Variants in CRHR2 observed in about 807,000 individuals in gnomAD.
CRHR2 encodes the protein corticotropin releasing hormone receptor 2.
A neutral mutation model predicts 57.9 loss-of-function variants in CRHR2; 53 were observed. The observed-to-expected ratio is 0.92, with a 90% confidence interval of 0.73 to 1.15. CRHR2 has a LOEUF of 1.15. Ranked by LOEUF, CRHR2 falls within the 50% of genes most tolerant of loss-of-function variation. CRHR2 has a pLI of 0.00. For synonymous variants in CRHR2, 213 were observed against 220.9 expected (o/e 0.96, Z 0.32); for missense variants, 532 against 542.6 (o/e 0.98, Z 0.19).
chr7:30,655,035 A>T lies in CRHR2; in HGVS notation c.1095+4T>A. On this transcript the variant is annotated splice_donor_region_variant and intron_variant, in intron 11 of 11. Coordinates refer to ENST00000471646, the MANE Select transcript of CRHR2 (RefSeq NM_001883.5). Reference sequence around the variant, plus strand: ...CAGGCCACCCCGAGGGCCCAGCTTCATACCTCTCCATTGAAGAAGCAGTAG... The same window carrying T: ...CAGGCCACCCCGAGGGCCCAGCTTCTTACCTCTCCATTGAAGAAGCAGTAG... The T allele has an allele frequency of 6.2e-7, 1 of 1,613,036 alleles. No homozygotes were observed. Among genetic ancestry groups the T allele is most frequent in the Non-Finnish European group, 8.5e-7 (1 of 1,179,432 alleles).
chr7:30,665,169 C>A lies in CRHR2; in HGVS notation c.444G>T (p.Arg148=). The A allele has an allele frequency of 6.2e-7, 1 of 1,614,090 alleles. No individual in the cohort carries two copies. Among genetic ancestry groups the A allele is most frequent in the Non-Finnish European group, 8.5e-7 (1 of 1,180,014 alleles). The change falls in exon 5 of 12, where the codon CGG becomes CGT. Residue 148 remains arginine (R), a synonymous_variant. Coordinates refer to ENST00000471646, the MANE Select transcript of CRHR2 (RefSeq NM_001883.5). This position sits in a 1 kb window ranked among gnomAD's most constrained non-coding sequence, Gnocchi z 4.5. ...TGATGAGGTTCCAGTGAATCACATTCCGCAGACAGCGAATGCTCCTGTGGG... is the reference window on the plus strand; with the variant it reads ...TGATGAGGTTCCAGTGAATCACATTACGCAGACAGCGAATGCTCCTGTGGG... ...FLALRSIRCL[R]NVIHWNLITT... is the part of the protein sequence containing the mutation.
chr7:30,692,586 C>T (rs1208639240), intron 1 of CRHR2, among the ~76,000 whole-genome samples: 1 of 152,144 alleles, frequency 6.6e-6, no homozygotes, highest in Non-Finnish European at 1.5e-5. Flanking sequence ...AAAGCAAACC[C>T]TCAGAGGCAG....
intron 5 of CRHR2, among the ~76,000 whole-genome samples, 198 bp from the exon 6 acceptor site, chr7:30,663,045 C>T (rs1338367625): frequency 6.6e-6 from 1 of 152,220 alleles, no homozygotes; most frequent in African/African-American, 2.4e-5. Flanking sequence ...GTTAAGGTGC[C>T]ATTCTCCACT....
intron 2 of CRHR2, chr7:30,688,957 A>C: frequency 1.6e-6 from 1 of 620,738 alleles, no homozygotes; most frequent in Non-Finnish European, 3.0e-6. Context: ...GGAGCTGGGA[A>C]TGGGGAGTGG....
intron 2 of CRHR2, among the ~76,000 whole-genome samples, chr7:30,679,350 G>A (rs1460081822): frequency 6.6e-6 from 1 of 152,240 alleles, no homozygotes; most frequent in Non-Finnish European, 1.5e-5. Flanking sequence ...CTGGTGCATA[G>A]GAGCTGATTA....
chr7:30,665,636 T>C lies in CRHR2; in HGVS notation c.319A>G (p.Arg107Gly). The C allele has an allele frequency of 1.3e-6, 2 of 1,555,828 alleles. No individual in the cohort carries two copies. The highest frequency in any genetic ancestry group is 1.7e-6 in the Non-Finnish European group (2 of 1,149,026). ...QCEPILDDKQ[R>G]KYDLHYRIAL... ...ATGCGGTAGTGCAGGTCATACTTCC[T>C]CTGCTGGACAGACAGACATGGGCAG... Residue 107 changes from arginine to glycine, a missense_variant, in exon 4 of 12, where the codon AGG (arginine) becomes GGG (glycine). Transcript: ENST00000471646. This position sits in a 1 kb window ranked among gnomAD's most constrained non-coding sequence, Gnocchi z 4.5.
At chr7:30,668,268 C>T (rs1017834702) in intron 2 of CRHR2, among the ~76,000 whole-genome samples, 5 of 152,164 alleles carry the variant, frequency 3.3e-5, no homozygotes, top group African/African-American at 9.7e-5. Flanking sequence ...CCACCCCCTC[C>T]ATACACCAGC....
rs1411619717 is a variant in CRHR2 at position 30,699,891 on chromosome 7, G to T, written c.-261+53C>A. ...CCCCGCCCCTAGTCATGAGAGCTGG[G>T]AGCTCCGTGCTCCTGGCGCCCCACC... On this transcript the variant is annotated intron_variant, in intron 1 of 13. Coordinates refer to the CRHR2 transcript ENST00000341843. 11 of 1,403,144 alleles carry T rather than the reference G, an allele frequency of 7.8e-6. No individual in the cohort carries two copies. In the South Asian group the frequency reaches 1.4e-4, roughly 18 times the overall value. 86.9% of individuals were successfully genotyped at this position (1,403,144 alleles called of 1,614,324 possible).
intron 6 of CRHR2, 74 bp downstream of exon 6, chr7:30,662,620 A>C: frequency 6.4e-7 from 1 of 1,555,430 alleles, no homozygotes; most frequent in Non-Finnish European, 8.7e-7. Context: ...TGGTCCTTGG[A>C]CCCAAGACGA....
In CRHR2 at chr7:30,699,087, A is replaced by T. The variant is rs1253407504; in HGVS notation, c.-261+857T>A. Reference sequence around the variant, plus strand: ...GACAGCGACAAGCCTCTTAGCTTCCACAGGCACTACTTTCCAGATTGTGAG... The same window carrying T: ...GACAGCGACAAGCCTCTTAGCTTCCTCAGGCACTACTTTCCAGATTGTGAG... On this transcript the variant is annotated intron_variant, in intron 1 of 13. Transcript: ENST00000341843. Among the ~76,000 whole-genome samples, 7 of 152,308 alleles carry T rather than the reference A, an allele frequency of 4.6e-5. 1 individual carries two copies. The highest frequency in any genetic ancestry group is 1.7e-4 in the African/African-American group (7 of 41,570).
chr7:30,697,126 C>T (rs1785074238), intron 1 of CRHR2, among the ~76,000 whole-genome samples: 1 of 152,198 alleles, frequency 6.6e-6, no homozygotes, highest in African/African-American at 2.4e-5. Context: ...TTAGGGGACA[C>T]TGTGGACTCG....
At chr7:30,662,966 C>T (rs1156891222) in intron 5 of CRHR2, 119 bp from the exon 6 acceptor site, 29 of 1,168,998 alleles carry the variant, frequency 2.5e-5, no homozygotes, top group Non-Finnish European at 3.3e-5. Flanking sequence ...GACATGCCAT[C>T]AAATACCAGC....
At chr7:30,662,661 C>A (rs200828529) in intron 6 of CRHR2, 33 bp downstream of exon 6, 30 of 1,601,894 alleles carry the variant, frequency 1.9e-5, no homozygotes, top group Admixed American at 1.0e-4. Flanking sequence ...AGTCCTCCCC[C>A]CAACTAGGCC....
At chr7:30,669,632 T>G (rs903652475) in intron 2 of CRHR2, among the ~76,000 whole-genome samples, 1 of 152,202 alleles carries the variant, frequency 6.6e-6, no homozygotes, top group Non-Finnish European at 1.5e-5. Flanking sequence ...CTCTCTAGTC[T>G]TCTTGCCTGG....
At chr7:30,679,271 C>A (rs889454237) in intron 2 of CRHR2, among the ~76,000 whole-genome samples, 20 of 152,188 alleles carry the variant, frequency 1.3e-4, no homozygotes, top group African/African-American at 4.8e-4. Context: ...CCTCGCAAAC[C>A]GAATGCCTCT....
intron 1 of CRHR2, among the ~76,000 whole-genome samples, chr7:30,690,709 G>T (rs11980048): frequency 0.047 from 7,197 of 152,206 alleles, 392 homozygotes; most frequent in African/African-American, 0.13. Context: ...CACCACGTCA[G>T]CCTGGAGCTT....
intron 3 of CRHR2, 146 bp downstream of exon 3, chr7:30,667,082 G>A (rs1784209150): frequency 5.9e-6 from 4 of 682,252 alleles, no homozygotes; most frequent in Non-Finnish European, 1.0e-5. Flanking sequence ...GCACAGGGCA[G>A]GACACTGGGG....
chr7:30,681,372 C>A (rs1784698972), intron 2 of CRHR2, among the ~76,000 whole-genome samples: 1 of 152,206 alleles, frequency 6.6e-6, no homozygotes, highest in Non-Finnish European at 1.5e-5. Context: ...ACACCCCGCA[C>A]CCTCTGGCTT....
At chr7:30,671,242 C>A (rs1784341981) in intron 2 of CRHR2, among the ~76,000 whole-genome samples, 1 of 152,202 alleles carries the variant, frequency 6.6e-6, no homozygotes, top group Non-Finnish European at 1.5e-5. Context: ...ACTCCCCAGT[C>A]TACTAAATGC....
Sources: allele counts gnomAD v4.1 joint callset (sites outside exome capture counted in the v4.1 genomes callset), GRCh38; gene constraint gnomAD v4.1.1; non-coding constraint Gnocchi (gnomAD v3.1); transcripts MANE v1.5; gene names NCBI Gene and HGNC (gene_info 2026-07-23, HGNC 2026-07-21).